PCOLCE2: variants seen among roughly 807,000 people sequenced by gnomAD.
PCOLCE2 encodes the protein procollagen C-endopeptidase enhancer 2.
Under a neutral mutation model 47.0 loss-of-function variants are expected in PCOLCE2, and 42 were observed. The ratio of observed to expected loss-of-function variants is 0.89; its 90% confidence interval spans 0.70 to 1.16. The LOEUF (loss-of-function observed/expected upper bound fraction) is 1.16, where lower values mean the gene tolerates loss of function less well. Ranked by LOEUF, PCOLCE2 falls within the 50% of genes most tolerant of loss-of-function variation. The probability of loss-of-function intolerance (pLI) is 0.00; values close to 1 mark genes in which losing one functional copy is unlikely to be tolerated. For synonymous variants in PCOLCE2, 169 were observed against 191.7 expected (o/e 0.88, Z 0.98); for missense variants, 500 against 526.1 (o/e 0.95, Z 0.49).
chr3:142,820,800 G>A, intron 8 of PCOLCE2, 78 bp downstream of exon 8: 2 of 1,282,726 alleles, frequency 1.6e-6, no homozygotes, highest in Non-Finnish European at 2.2e-6. Flanking sequence ...TATTAGCCCT[G>A]ATTTTACTTC....
intron 2 of PCOLCE2, among the ~76,000 whole-genome samples, chr3:142,862,749 C>T (rs1933203366): frequency 6.6e-6 from 1 of 152,058 alleles, no homozygotes; most frequent in Non-Finnish European, 1.5e-5. Flanking sequence ...ATCCAGAGAA[C>T]TCCAAAGGAC....
intron 2 of PCOLCE2, among the ~76,000 whole-genome samples, chr3:142,873,415 A>C (rs1036734587): frequency 2.6e-5 from 4 of 151,968 alleles, no homozygotes; most frequent in Non-Finnish European, 5.9e-5. Flanking sequence ...AAAAAGAAAA[A>C]AATTTTTTAA....
chr3:142,856,165 A>C (rs913212420), intron 2 of PCOLCE2, among the ~76,000 whole-genome samples: 1 of 152,188 alleles, frequency 6.6e-6, no homozygotes, highest in East Asian at 1.9e-4. Context: ...TACTGCTTGG[A>C]GTACCATGGG....
At chr3:142,827,488 G>C in intron 6 of PCOLCE2, 1 of 1,509,608 alleles carries the variant, frequency 6.6e-7, no homozygotes, top group Non-Finnish European at 9.2e-7. Context: ...CTGATGCCCA[G>C]GACAGCTTGC....
intron 1 of PCOLCE2, 101 bp from the exon 2 acceptor site, chr3:142,887,878 T>C (rs535512954): frequency 3.0e-6 from 2 of 662,582 alleles, no homozygotes; most frequent in East Asian, 5.4e-5. Context: ...AAATAAAAGT[T>C]AATGTTGATT....
chr3:142,873,393 C>CAA (rs374190713), intron 2 of PCOLCE2, among the ~76,000 whole-genome samples: 4 of 81,642 alleles, frequency 4.9e-5, no homozygotes, highest in African/African-American at 8.4e-5. Context: ...AACTCCATCT[C>CAA]AAAAAAAAAA....
At chr3:142,848,610 G>T in intron 2 of PCOLCE2, 138 bp from the exon 3 acceptor site, 2 of 736,322 alleles carry the variant, frequency 2.7e-6, no homozygotes, top group Non-Finnish European at 4.2e-6. Flanking sequence ...ACTAACCCAA[G>T]GGAAGTTTTC....
chr3:142,823,823 T>C (rs555094103), intron 6 of PCOLCE2, among the ~76,000 whole-genome samples: 13 of 152,330 alleles, frequency 8.5e-5, no homozygotes, highest in East Asian at 3.9e-4. Context: ...ATACCCTCTA[T>C]TGAATTTTAA....
intron 3 of PCOLCE2, chr3:142,843,300 T>C: frequency 1.9e-6 from 1 of 532,406 alleles, no homozygotes. Context: ...GCCTCTTTTC[T>C]TTTTTTTTCC....
At chr3:142,853,148 C>A (rs923442919) in intron 2 of PCOLCE2, among the ~76,000 whole-genome samples, 1 of 151,504 alleles carries the variant, frequency 6.6e-6, no homozygotes, top group Admixed American at 6.6e-5. Flanking sequence ...ACATATCACT[C>A]CACAACCTGG....
chr3:142,856,653 A>G (rs971444245), intron 2 of PCOLCE2, among the ~76,000 whole-genome samples: 2 of 152,224 alleles, frequency 1.3e-5, no homozygotes, highest in Non-Finnish European at 2.9e-5. Flanking sequence ...GGATGAGGAG[A>G]CAGGCAATCG....
intron 1 of PCOLCE2, 159 bp downstream of exon 1, chr3:142,888,655 C>G (rs1933763845): frequency 4.4e-6 from 2 of 452,756 alleles, no homozygotes; most frequent in Admixed American, 4.4e-5. Flanking sequence ...CGGGCTTAGC[C>G]TACCCGAGGG....
chr3:142,826,429 C>T (rs781116410), intron 6 of PCOLCE2, among the ~76,000 whole-genome samples: 6 of 152,156 alleles, frequency 3.9e-5, no homozygotes, highest in African/African-American at 7.2e-5. Context: ...GAGGGGTCAC[C>T]CCCCTCCGAC....
At position 142,818,290 on chromosome 3, in the gene PCOLCE2, T is replaced by C. The variant is rs994100014; in HGVS notation, c.*45A>G. 1 of 1,571,134 alleles carries C rather than the reference T, an allele frequency of 6.4e-7. No homozygotes were observed. Among genetic ancestry groups the C allele is most frequent in the Non-Finnish European group, 8.7e-7 (1 of 1,144,514 alleles). ...TTTCTACTGAGAGAACATAGATCTT[T>C]CAAAGGCAATGGCAGAATACAGCTT... is the stretch of plus-strand genomic sequence containing the variant. On this transcript the variant is annotated 3_prime_UTR_variant, in exon 9 of 9. Transcript: ENST00000295992.
chr3:142,869,736 C>T (rs1267513375), intron 2 of PCOLCE2, among the ~76,000 whole-genome samples: 1 of 152,212 alleles, frequency 6.6e-6, no homozygotes, highest in Non-Finnish European at 1.5e-5. Context: ...TTTGAATCCA[C>T]ATATGGCCTA....
chr3:142,843,261 A>G (rs940390114), intron 3 of PCOLCE2: 2 of 637,162 alleles, frequency 3.1e-6, no homozygotes, highest in Admixed American at 4.2e-5. Flanking sequence ...TAGCATAGCA[A>G]CACGAGAGAG....
At chr3:142,839,968 T>G (rs1937248331) in intron 4 of PCOLCE2, among the ~76,000 whole-genome samples, 1 of 151,802 alleles carries the variant, frequency 6.6e-6, no homozygotes, top group Admixed American at 6.6e-5. Context: ...TGTCAGGGAG[T>G]AGTAGTGTGT....
At chr3:142,835,194 T>G (rs75040670) in intron 5 of PCOLCE2, among the ~76,000 whole-genome samples, 1,548 of 152,308 alleles carry the variant, frequency 0.01, 41 homozygotes, top group East Asian at 0.086. Context: ...AAATCTCTAC[T>G]ACAATAATGA....
At chr3:142,827,251 A>G (rs1937091325) in intron 6 of PCOLCE2, 5 of 1,225,320 alleles carry the variant, frequency 4.1e-6, no homozygotes, top group African/African-American at 1.5e-5. Flanking sequence ...GATGCTCCAT[A>G]GGGTTCATGG....
Sources: gnomAD v4.1 joint callset for allele counts (sites outside exome capture counted in the v4.1 genomes callset) on GRCh38, gnomAD v4.1.1 for gene constraint, MANE v1.5 for transcripts, NCBI Gene and HGNC (gene_info 2026-07-23, HGNC 2026-07-21) for gene names.